The following KCTD16 variants were observed in gnomAD, a reference collection of about 807,000 sequenced individuals.
KCTD16 encodes the protein BTB/POZ domain-containing protein KCTD16.
KCTD16 carries 13 observed loss-of-function variants against 33.2 expected under a neutral mutation model. The observed-to-expected ratio is 0.39, with a 90% CI of 0.25 to 0.62. KCTD16 has a LOEUF of 0.62. KCTD16 is among the 20% of genes least tolerant of loss of function. The pLI is 0.50. For missense variants in KCTD16, 441 were observed against 525.1 expected (o/e 0.84, Z 1.57); for synonymous variants, 197 against 195.3 (o/e 1.01, Z -0.07).
chr5:144,463,935 C>T (rs1406249760), intron 3 of KCTD16, among the ~76,000 whole-genome samples: 4 of 152,154 alleles, frequency 2.6e-5, no homozygotes, highest in Non-Finnish European at 4.4e-5. Context: ...ATTTAAAAAT[C>T]CTAATTAAAG....
chr5:144,329,744 A>C (rs1752305178), intron 3 of KCTD16, among the ~76,000 whole-genome samples: 1 of 152,230 alleles, frequency 6.6e-6, no homozygotes, highest in Admixed American at 6.5e-5. Flanking sequence ...AAACAGAAAC[A>C]CAAGTAGTTG....
intron 3 of KCTD16, among the ~76,000 whole-genome samples, chr5:144,452,249 C>T (rs940034585): frequency 1.3e-5 from 2 of 151,256 alleles, no homozygotes; most frequent in East Asian, 1.9e-4. Flanking sequence ...GAACATGTGG[C>T]AGATTCCCAG....
At position 144,483,718 on chromosome 5, in the gene KCTD16, C is replaced by T. The variant is rs1754749294; in HGVS notation, c.*9604C>T. The T allele has an allele frequency of 1.3e-5, 2 of 151,920 alleles. No individual in the cohort carries two copies. 9.4% of individuals were successfully genotyped at this position (151,920 alleles called of 1,614,324 possible). On this transcript the variant is annotated 3_prime_UTR_variant, in exon 4 of 4. Transcript: ENST00000512467. ...AAGTCAACCTATGCAAACAGAGATT[C>T]CCTGCTGCTCCTTGGGATCAGTTTG... is the stretch of plus-strand genomic sequence containing the variant.
Position 144,474,143 on chromosome 5 carries a change from A to G in KCTD16, c.*29A>G. On this transcript the variant is annotated 3_prime_UTR_variant, in exon 4 of 4. Coordinates refer to ENST00000512467, the MANE Select transcript of KCTD16 (RefSeq NM_020768.4). ...AGGGCTGGGGGCGGGAAAAGAAAAAAAAAAGTCATTTTGAAATTAACCTCC... is the reference window on the plus strand; with the variant it reads ...AGGGCTGGGGGCGGGAAAAGAAAAAGAAAAGTCATTTTGAAATTAACCTCC... The G allele has an allele frequency of 6.6e-7, 1 of 1,521,808 alleles. No individual in the cohort carries two copies. Among genetic ancestry groups the G allele is most frequent in the Non-Finnish European group, 8.9e-7 (1 of 1,127,940 alleles). 94.3% of individuals were successfully genotyped at this position (1,521,808 alleles called of 1,614,324 possible). A position where few individuals can be genotyped will look rare whatever the true frequency, so the allele number is the denominator to read the frequency against.
chr5:144,447,101 T>C (rs1431030114), intron 3 of KCTD16, among the ~76,000 whole-genome samples: 1 of 152,150 alleles, frequency 6.6e-6, no homozygotes, highest in Non-Finnish European at 1.5e-5. Context: ...TAAAGACGCA[T>C]AAACACGTAT....
intron 3 of KCTD16, among the ~76,000 whole-genome samples, chr5:144,255,992 G>A (rs988227656): frequency 6.6e-6 from 1 of 152,196 alleles, no homozygotes; most frequent in Non-Finnish European, 1.5e-5. Context: ...CACTCAGAGA[G>A]ACAGTATTAA....
chr5:144,226,946 G>T (rs1753950634), intron 3 of KCTD16, among the ~76,000 whole-genome samples: 1 of 151,978 alleles, frequency 6.6e-6, no homozygotes, highest in African/African-American at 2.4e-5. Flanking sequence ...TTATGCTAAG[G>T]GTTTTATGCA....
chr5:144,481,463 C>T lies in KCTD16; in HGVS notation c.*7349C>T, dbSNP rs908682331. The T allele has an allele frequency of 1.3e-4, 20 of 151,988 alleles. 1 individual carries two copies. Among genetic ancestry groups the T allele is most frequent in the Admixed American group, 9.9e-4 (15 of 15,218 alleles). 9.4% of individuals were successfully genotyped at this position (151,988 alleles called of 1,614,324 possible). ...TTTCCAAACATGTGACAAGTCTAAG[C>T]ACAAGTCCTTGCTACTGAGTCTTAT... is the stretch of plus-strand genomic sequence containing the variant. On this transcript the variant is annotated 3_prime_UTR_variant, in exon 4 of 4. Transcript: ENST00000512467.
intron 3 of KCTD16, among the ~76,000 whole-genome samples, chr5:144,406,087 A>C (rs183839650): frequency 2.1e-4 from 32 of 152,318 alleles, no homozygotes; most frequent in African/African-American, 7.2e-4. Context: ...TTGTATTAGC[A>C]AATGATATGA....
chr5:144,302,941 T>C (rs1324344300), intron 3 of KCTD16, among the ~76,000 whole-genome samples: 1 of 152,244 alleles, frequency 6.6e-6, no homozygotes, highest in Non-Finnish European at 1.5e-5. Context: ...ATGCAGCCTA[T>C]AGAATGAGCA....
At chr5:144,318,066 G>T (rs905012364) in intron 3 of KCTD16, among the ~76,000 whole-genome samples, 2 of 152,174 alleles carry the variant, frequency 1.3e-5, no homozygotes, top group African/African-American at 4.8e-5. Context: ...ATGTTCTCTT[G>T]CTGTGATGCA....
At chr5:144,337,990 A>C (rs1752534208) in intron 3 of KCTD16, among the ~76,000 whole-genome samples, 2 of 152,218 alleles carry the variant, frequency 1.3e-5, no homozygotes, top group Admixed American at 1.3e-4. Flanking sequence ...CATGCTGGCC[A>C]AAAGGAAAAA....
At chr5:144,185,815 G>A (rs1482599289) in intron 2 of KCTD16, among the ~76,000 whole-genome samples, 1 of 151,976 alleles carries the variant, frequency 6.6e-6, no homozygotes, top group Non-Finnish European at 1.5e-5. Context: ...AATAACAATA[G>A]GTAACATCAA....
intron 3 of KCTD16, among the ~76,000 whole-genome samples, chr5:144,246,391 G>T (rs140881792): frequency 6.6e-6 from 1 of 152,250 alleles, no homozygotes; most frequent in East Asian, 1.9e-4. Flanking sequence ...GGGAAATCTG[G>T]CTTTGAGTTA....
intron 3 of KCTD16, among the ~76,000 whole-genome samples, chr5:144,231,909 A>G (rs1263437852): frequency 6.6e-6 from 1 of 152,184 alleles, no homozygotes. Context: ...CAGCGTGAGA[A>G]CAGACTAATA....
At chr5:144,376,969 C>A (rs539861635) in intron 3 of KCTD16, among the ~76,000 whole-genome samples, 1 of 152,294 alleles carries the variant, frequency 6.6e-6, no homozygotes, top group South Asian at 2.1e-4. Context: ...AGAAACCCAG[C>A]GGACTATTCC....
intron 3 of KCTD16, among the ~76,000 whole-genome samples, chr5:144,315,928 C>T (rs1323867928): frequency 2.0e-5 from 3 of 151,682 alleles, no homozygotes; most frequent in Non-Finnish European, 2.9e-5. Flanking sequence ...CACCAAGGCA[C>T]ACCTGTAATA....
At chr5:144,473,101 C>A (rs1174951718) in intron 3 of KCTD16, among the ~76,000 whole-genome samples, 1 of 152,184 alleles carries the variant, frequency 6.6e-6, no homozygotes, top group Non-Finnish European at 1.5e-5. Context: ...CAGTTAGGGA[C>A]AGGCACAGAG....
chr5:144,436,669 C>T (rs115092358), intron 3 of KCTD16, among the ~76,000 whole-genome samples: 3,761 of 151,522 alleles, frequency 0.025, 83 homozygotes, highest in Non-Finnish European at 0.036. Flanking sequence ...CTCACTGCAA[C>T]CCCTGCCTCC....
Sources: allele counts gnomAD v4.1 joint callset (sites outside exome capture counted in the v4.1 genomes callset), GRCh38; gene constraint gnomAD v4.1.1; transcripts MANE v1.5; gene names NCBI Gene and HGNC (gene_info 2026-07-23, HGNC 2026-07-21).